The following TMEM52B variants were observed in gnomAD, a reference collection of about 807,000 sequenced individuals.
TMEM52B encodes the protein transmembrane protein 52B.
A neutral mutation model predicts 16.1 loss-of-function variants in TMEM52B; 11 were observed. The ratio of observed to expected loss-of-function variants is 0.68; its 90% CI spans 0.43 to 1.13. The LOEUF is 1.13. Among genes scored for constraint, TMEM52B ranks in the 50% most tolerant of loss-of-function variants. The pLI is 0.00. For missense variants in TMEM52B, 243 were observed against 230.4 expected, an observed-to-expected ratio of 1.05 and a Z score of -0.35; for synonymous variants, 101 against 93.8, an observed-to-expected ratio of 1.08 and a Z score of -0.45.
At chr12:10,189,178 G>C (rs1428285811) in intron 4 of TMEM52B, among the ~76,000 whole-genome samples, 3 of 149,104 alleles carry the variant, frequency 2.0e-5, no homozygotes, top group Admixed American at 6.7e-5. Flanking sequence ...ACTCCAACCT[G>C]GGTGACAGAG....
intron 1 of TMEM52B, 142 bp from the exon 2 acceptor site, chr12:10,182,408 C>T: frequency 7.8e-6 from 10 of 1,287,244 alleles, no homozygotes; most frequent in Non-Finnish European, 9.9e-6. Flanking sequence ...ATGAAAATGG[C>T]AGTCCTAAAT....
intron 4 of TMEM52B, among the ~76,000 whole-genome samples, chr12:10,189,536 A>G (rs1239189853): frequency 6.6e-6 from 1 of 151,320 alleles, no homozygotes; most frequent in African/African-American, 2.4e-5. Context: ...AGGCAGGAGA[A>G]TCACTTGAAT....
chr12:10,173,238 G>A (rs1269822930), intron 1 of TMEM52B, among the ~76,000 whole-genome samples: 1 of 152,050 alleles, frequency 6.6e-6, no homozygotes, highest in Non-Finnish European at 1.5e-5. Context: ...TATTAGAGAT[G>A]TCTTCTGAAG....
chr12:10,179,712 C>T (rs1225458294), intron 1 of TMEM52B, 84 bp downstream of exon 1: 9 of 1,529,966 alleles, frequency 5.9e-6, no homozygotes, highest in South Asian at 3.4e-5. Context: ...AAATGAACTG[C>T]GGGGTGGGGA....
rs563350587 is a variant in TMEM52B, at chr12:10,185,266, G to A, written c.99-64G>A. The A allele has an allele frequency of 1.3e-5, 15 of 1,112,232 alleles. No homozygotes were observed. In the African/African-American group the frequency reaches 1.5e-4, roughly 11 times the overall value. 68.9% of individuals were successfully genotyped at this position (1,112,232 alleles called of 1,614,324 possible). A position where few individuals can be genotyped will look rare whatever the true frequency, so the allele number is the denominator to read the frequency against. On this transcript the variant is annotated intron_variant, in intron 2 of 4. Transcript: ENST00000543484. Reference sequence around the variant, plus strand: ...ATCATATTGTAACTCATATTTCTGAGTCTGGAGTTATAACAGGGATTGACT... The same window carrying A: ...ATCATATTGTAACTCATATTTCTGAATCTGGAGTTATAACAGGGATTGACT...
intron 3 of TMEM52B, 128 bp from the exon 4 acceptor site, chr12:10,186,292 A>C (rs923132479): frequency 1.7e-6 from 1 of 602,662 alleles, no homozygotes; most frequent in Non-Finnish European, 2.4e-6. Context: ...TTATAAATTA[A>C]AATATTTATA....
At chr12:10,175,549 G>T (rs527570461), upstream of TMEM52B, 1 of 152,344 alleles carries the variant, frequency 6.6e-6, no homozygotes, top group Admixed American at 6.5e-5. Context: ...GTGTTACACA[G>T]CATATCAACC....
At chr12:10,183,607 C>A (rs1948847654) in intron 2 of TMEM52B, among the ~76,000 whole-genome samples, 1 of 152,166 alleles carries the variant, frequency 6.6e-6, no homozygotes, top group Non-Finnish European at 1.5e-5. Flanking sequence ...TATTTTGCCT[C>A]CCCTCATTCT....
chr12:10,185,204 C>A, intron 2 of TMEM52B, 126 bp from the exon 3 acceptor site: 2 of 713,676 alleles, frequency 2.8e-6, no homozygotes, highest in South Asian at 1.7e-5. Flanking sequence ...ATTTTAAAAA[C>A]ATAACCCATG....
At chr12:10,185,231 A>G in intron 2 of TMEM52B, 99 bp from the exon 3 acceptor site, 1 of 847,544 alleles carries the variant, frequency 1.2e-6, no homozygotes, top group Non-Finnish European at 2.0e-6. Flanking sequence ...TATTTATAAC[A>G]AGGTATCACA....
At chr12:10,188,224 C>T (rs527250245) in intron 4 of TMEM52B, among the ~76,000 whole-genome samples, 40 of 152,206 alleles carry the variant, frequency 2.6e-4, no homozygotes, top group Middle Eastern at 3.4e-3. Flanking sequence ...GTGGCTCAGT[C>T]CAAGGCGGGC....
At position 10,186,681 on chromosome 12, in the gene TMEM52B, T is replaced by C. The variant is rs113028418; in HGVS notation, c.307+92T>C. On this transcript the variant is annotated intron_variant, in intron 4 of 4. Transcript: ENST00000543484. ...AGGTGTAGAACCACTGATCGAGTAA[T>C]ATTAAAGATTCCAGGACTCACAATA... The C allele has an allele frequency of 3.1e-6, 4 of 1,271,826 alleles. No homozygotes were observed. In the African/African-American group the frequency reaches 4.4e-5, roughly 14 times the overall value. The allele number at this position is 1,271,826 out of a possible 1,614,324, so 78.8% of individuals were successfully genotyped here.
At chr12:10,178,643 A>AAGAGAGAGAG (rs141826102), upstream of TMEM52B, among the ~76,000 whole-genome samples, 20 of 149,958 alleles carry the variant, frequency 1.3e-4, no homozygotes, top group African/African-American at 4.9e-4. Context: ...TCCTTAACCA[A>AAGAGAGAGAG]AGAGAGAGAG....
chr12:10,189,207 A>G (rs1196330351), intron 4 of TMEM52B, among the ~76,000 whole-genome samples: 14 of 151,172 alleles, frequency 9.3e-5, no homozygotes, highest in African/African-American at 2.4e-5. Flanking sequence ...TGTCTAAAAA[A>G]AAAAAAAAAA....
upstream of TMEM52B, among the ~76,000 whole-genome samples, chr12:10,174,545 C>T (rs566725079): frequency 6.6e-6 from 1 of 152,338 alleles, no homozygotes; most frequent in African/African-American, 2.4e-5. Context: ...AATCCCCCAG[C>T]TGTCTATGGA....
At chr12:10,185,546 A>T (rs983645208) in intron 3 of TMEM52B, among the ~76,000 whole-genome samples, 178 bp downstream of exon 3, 1 of 152,184 alleles carries the variant, frequency 6.6e-6, no homozygotes. Context: ...ACATCAAACC[A>T]TTACTGTGTC....
At chr12:10,177,697 G>A (rs935600938), upstream of TMEM52B, among the ~76,000 whole-genome samples, 5 of 150,280 alleles carry the variant, frequency 3.3e-5, no homozygotes, top group Non-Finnish European at 7.4e-5. Flanking sequence ...TTGAACCCAG[G>A]AGGCAGAGGT....
At chr12:10,171,807 C>T (rs1024049942) in intron 1 of TMEM52B, among the ~76,000 whole-genome samples, 1 of 152,154 alleles carries the variant, frequency 6.6e-6, no homozygotes, top group Admixed American at 6.5e-5. Flanking sequence ...AGTAAATACT[C>T]AGTATAAATT....
chr12:10,175,702 G>A (rs1275834424), upstream of TMEM52B, among the ~76,000 whole-genome samples: 1 of 152,144 alleles, frequency 6.6e-6, no homozygotes, highest in Non-Finnish European at 1.5e-5. Context: ...CACTTCCCAA[G>A]GGATCTCCCA....
Sources: allele counts gnomAD v4.1 joint callset (sites outside exome capture counted in the v4.1 genomes callset), GRCh38; gene constraint gnomAD v4.1.1; transcripts MANE v1.5; gene names NCBI Gene and HGNC (gene_info 2026-07-23, HGNC 2026-07-21).